Variants in REEP5 observed in about 807,000 individuals in gnomAD.
REEP5 encodes the protein receptor accessory protein 5.
Under a neutral mutation model 22.4 loss-of-function variants are expected in REEP5, and 24 were observed. That is an observed-to-expected ratio of 1.07 (90% CI 0.78 to 1.51). The LOEUF (loss-of-function observed/expected upper bound fraction) is 1.51, where lower values mean the gene tolerates loss of function less well. Ranked by LOEUF, REEP5 falls within the 40% of genes most tolerant of loss-of-function variation. The pLI is 0.00. For synonymous variants in REEP5, 103 were observed against 88.6 expected (o/e 1.16, Z -0.92); for missense variants, 252 against 233.0 (o/e 1.08, Z -0.53).
intron 4 of REEP5, among the ~76,000 whole-genome samples, 198 bp downstream of exon 4, chr5:112,886,817 C>A (rs1367230144): frequency 6.6e-6 from 1 of 152,092 alleles, no homozygotes; most frequent in South Asian, 2.1e-4. Context: ...TTAAATGTGG[C>A]ATGGAGGAAG....
chr5:112,883,837 A>C (rs1236006347), intron 4 of REEP5, among the ~76,000 whole-genome samples: 6 of 152,094 alleles, frequency 3.9e-5, no homozygotes, highest in African/African-American at 1.2e-4. Flanking sequence ...TCTCCAGCTC[A>C]GTGGCAATTT....
In REEP5 at chr5:112,878,609, C is replaced by G. The variant is rs1318287770; in HGVS notation, c.*177G>C. 3.3e-5 allele frequency: 30 copies of G among 908,122 alleles called. No homozygotes were observed. The highest frequency in any genetic ancestry group is 4.5e-5 in the Non-Finnish European group (28 of 621,964). The allele number at this position is 908,122 out of a possible 1,614,324, so 56.3% of individuals were successfully genotyped here. ...CCACTGCATTAAGTTTAAAGTGCTC[C>G]CTATATATATAGACAGTAAAAGTAA... On this transcript the variant is annotated 3_prime_UTR_variant, in exon 5 of 5. Coordinates refer to ENST00000379638, the MANE Select transcript of REEP5 (RefSeq NM_005669.5).
chr5:112,891,502 A>G lies in REEP5; in HGVS notation c.352-4319T>C, dbSNP rs185237156. 2,293 of 1,183,254 alleles carry G rather than the reference A, an allele frequency of 1.9e-3. 10 individuals are homozygous for G. The highest frequency in any genetic ancestry group is 2.6e-3 in the Non-Finnish European group (2,136 of 837,588). 73.3% of individuals were successfully genotyped at this position (1,183,254 alleles called of 1,614,324 possible). A position where few individuals can be genotyped will look rare whatever the true frequency, so the allele number is the denominator to read the frequency against. ...AAAATGAAAGTAATTTGTAATATAT[A>G]TAAGTATGCAAACAAAACAATACTA... On this transcript the variant is annotated intron_variant, in intron 3 of 4. Transcript: ENST00000379638.
At chr5:112,891,552 G>T in intron 3 of REEP5, 1 of 1,519,462 alleles carries the variant, frequency 6.6e-7, no homozygotes, top group Non-Finnish European at 8.9e-7. Context: ...TTCATAAGTA[G>T]AATCACTGAC....
chr5:112,921,313 C>T (rs1358096398), intron 1 of REEP5, 57 bp from the exon 2 acceptor site: 6 of 1,533,054 alleles, frequency 3.9e-6, no homozygotes, highest in East Asian at 2.3e-5. Flanking sequence ...TCACGCGGGA[C>T]AGCCGCCGCC....
chr5:112,921,536 C>T, intron 1 of REEP5: 1 of 513,332 alleles, frequency 1.9e-6, no homozygotes, highest in East Asian at 3.5e-5. Flanking sequence ...GGGACGGTCC[C>T]AGGCACCCGC....
At chr5:112,918,739 A>G (rs1769285243) in intron 2 of REEP5, among the ~76,000 whole-genome samples, 1 of 152,094 alleles carries the variant, frequency 6.6e-6, no homozygotes, top group Non-Finnish European at 1.5e-5. Context: ...CACTGACCCT[A>G]CCTGCTGGCA....
chr5:112,886,964 G>C (rs1365197048), intron 4 of REEP5, 51 bp downstream of exon 4: 1 of 1,373,786 alleles, frequency 7.3e-7, no homozygotes. Context: ...TTTGAGCCCA[G>C]TGTGTCACAT....
rs1767929797 is a variant in REEP5 at position 112,877,370 on chromosome 5, A to G, written c.*1416T>C. On this transcript the variant is annotated 3_prime_UTR_variant, in exon 5 of 5. Transcript: ENST00000379638. ...GTTAGTTTAGTTATACACTTGTTTTAGTCGAGTTTAATTCAAAAGGACTCT... is the reference window on the plus strand; with the variant it reads ...GTTAGTTTAGTTATACACTTGTTTTGGTCGAGTTTAATTCAAAAGGACTCT... 6.6e-6 allele frequency: 1 copy of G among 152,204 alleles called. No homozygotes were observed. The highest frequency in any genetic ancestry group is 1.5e-5 in the Non-Finnish European group (1 of 68,020). 9.4% of individuals were successfully genotyped at this position (152,204 alleles called of 1,614,324 possible). A position where few individuals can be genotyped will look rare whatever the true frequency, so the allele number is the denominator to read the frequency against.
rs544413674 is a variant in REEP5, at chr5:112,878,488, A to G, written c.*298T>C. On this transcript the variant is annotated 3_prime_UTR_variant, in exon 5 of 5. Transcript: ENST00000379638. ...GTAAAGTACACAGCCTGTGGGGTATATAATTTTATTTTAAGTTTATATTTC... is the reference window on the plus strand; with the variant it reads ...GTAAAGTACACAGCCTGTGGGGTATGTAATTTTATTTTAAGTTTATATTTC... 2.7e-6 allele frequency: 1 copy of G among 376,528 alleles called. No homozygotes were observed. The highest frequency in any genetic ancestry group is 4.5e-5 in the East Asian group (1 of 22,028). The allele number at this position is 376,528 out of a possible 1,614,324, so 23.3% of individuals were successfully genotyped here.
At chr5:112,921,806 G>A (rs1769378345) in intron 1 of REEP5, 1 of 342,626 alleles carries the variant, frequency 2.9e-6, no homozygotes. Context: ...CCGCGGGGCA[G>A]ACATACGTCA....
At position 112,880,967 on chromosome 5, in the gene REEP5, A is replaced by G. The variant is rs547738912; in HGVS notation, c.521-2132T>C. ...AACATGGCATAACGGTGTCTCTACTAAAAATACAAGTATCAGCTGGGCGTG... is the reference window on the plus strand; with the variant it reads ...AACATGGCATAACGGTGTCTCTACTGAAAATACAAGTATCAGCTGGGCGTG... On this transcript the variant is annotated intron_variant, in intron 4 of 4. Transcript: ENST00000379638. Among the ~76,000 whole-genome samples, 25 of 152,138 alleles carry G rather than the reference A, an allele frequency of 1.6e-4. No individual in the cohort carries two copies. In the East Asian group the frequency reaches 3.7e-3, roughly 22 times the overall value.
intron 2 of REEP5, among the ~76,000 whole-genome samples, chr5:112,904,956 T>C (rs1461508450): frequency 6.6e-6 from 1 of 152,064 alleles, no homozygotes; most frequent in Non-Finnish European, 1.5e-5. Context: ...CATACACTGA[T>C]CACAACTTTG....
Position 112,877,703 on chromosome 5 carries a change from T to G in REEP5, c.*1083A>C, listed in dbSNP as rs1767940377. ...TATACTTCCTTTCATTCTCCCAGAA[T>G]TGCTCTTAGAGCTAGGTGTCGTCAT... On this transcript the variant is annotated 3_prime_UTR_variant, in exon 5 of 5. Transcript: ENST00000379638. 6.6e-6 allele frequency: 1 copy of G among 152,184 alleles called. No homozygotes were observed. 9.4% of individuals were successfully genotyped at this position (152,184 alleles called of 1,614,324 possible).
intron 2 of REEP5, among the ~76,000 whole-genome samples, chr5:112,905,058 A>T (rs536376041): frequency 1.3e-5 from 2 of 152,332 alleles, no homozygotes; most frequent in South Asian, 4.1e-4. Context: ...CATATTATTG[A>T]AGCATTTAAT....
chr5:112,919,523 G>A (rs1769304711), intron 2 of REEP5, among the ~76,000 whole-genome samples: 2 of 152,252 alleles, frequency 1.3e-5, no homozygotes, highest in East Asian at 1.9e-4. Context: ...CTGAGATTAC[G>A]ACACTGCACT....
At chr5:112,893,285 C>CTA (rs1263954924) in intron 3 of REEP5, 2 of 252,396 alleles carry the variant, frequency 7.9e-6, no homozygotes, top group Non-Finnish European at 1.5e-5. Flanking sequence ...TGGCAGGCGT[C>CTA]TGTAATCCAA....
chr5:112,892,159 C>A, intron 3 of REEP5: 5 of 1,614,096 alleles, frequency 3.1e-6, no homozygotes, highest in Non-Finnish European at 3.4e-6. Flanking sequence ...GGAGAAGGAT[C>A]GAGCTAATTG....
In REEP5 at chr5:112,908,106, T is replaced by G. The variant is rs1377984028; in HGVS notation, c.213-5588A>C. Among the ~76,000 whole-genome samples, 19 of 147,564 alleles carry G rather than the reference T, an allele frequency of 1.3e-4. 1 individual carries two copies. The highest frequency in any genetic ancestry group is 3.5e-3 in the Middle Eastern group (1 of 288). On this transcript the variant is annotated intron_variant, in intron 2 of 4. Transcript: ENST00000379638. ...AGAGACTTTCTTTGTTTTTTGTTTT[T>G]TTTTTTTTTTTTTGATGGAGTCTTG...
Sources: allele counts gnomAD v4.1 joint callset (sites outside exome capture counted in the v4.1 genomes callset), GRCh38; gene constraint gnomAD v4.1.1; transcripts MANE v1.5; gene names NCBI Gene and HGNC (gene_info 2026-07-23, HGNC 2026-07-21).